The following YARS2 variants were observed in gnomAD, a reference collection of about 807,000 sequenced individuals.
The protein encoded by YARS2 is tyrosine--tRNA ligase, mitochondrial.
In YARS2, 38 loss-of-function variants were observed where a neutral mutation model predicts 45.0. The ratio of observed to expected loss-of-function variants is 0.84; its 90% CI spans 0.65 to 1.11. YARS2 has a LOEUF of 1.11. Among genes scored for constraint, YARS2 ranks in the 50% least tolerant of loss-of-function variants. The pLI is 0.00. For missense variants in YARS2, 602 were observed against 599.8 expected (o/e 1.00, Z -0.04); for synonymous variants, 287 against 245.1 (o/e 1.17, Z -1.60).
At chr12:32,749,726 G>A (rs1955702346) in intron 4 of YARS2, among the ~76,000 whole-genome samples, 1 of 151,744 alleles carries the variant, frequency 6.6e-6, no homozygotes, top group Non-Finnish European at 1.5e-5. Flanking sequence ...GACTACAGGC[G>A]CCTGCCACCA....
intron 1 of YARS2, among the ~76,000 whole-genome samples, 159 bp from the exon 2 acceptor site, chr12:32,754,244 T>A (rs896940579): frequency 6.6e-6 from 1 of 152,226 alleles, no homozygotes; most frequent in African/African-American, 2.4e-5. Flanking sequence ...TTACAGTACT[T>A]ACTCTATTCA....
At position 32,749,313 on chromosome 12, in the gene YARS2, C is replaced by T. The variant is rs1251431603; in HGVS notation, c.1274+624G>A. Among the ~76,000 whole-genome samples, 3 of 152,102 alleles carry T rather than the reference C, an allele frequency of 2.0e-5. No homozygotes were observed. The East Asian group carries it at 5.8e-4, about 29-fold the overall frequency. ...ATCCCTCTAAAACTGTGACCATATC[C>T]CTAAGCCGTACACTGATGCCAGTGT... On this transcript the variant is annotated intron_variant, in intron 4 of 4. Transcript: ENST00000324868.
At chr12:32,752,797 G>GTA (rs779901407) in intron 2 of YARS2, 2 of 338,044 alleles carry the variant, frequency 5.9e-6, no homozygotes, top group South Asian at 4.6e-5. Context: ...CAAAACCCCA[G>GTA]GACTATATCG....
At chr12:32,754,202 T>TA in intron 1 of YARS2, 117 bp from the exon 2 acceptor site, 1 of 1,124,918 alleles carries the variant, frequency 8.9e-7, no homozygotes, top group East Asian at 2.4e-5. Flanking sequence ...CTTGACCTCC[T>TA]AAATCTGAAT....
rs1565561416 is a variant in YARS2 at position 32,755,677 on chromosome 12, G to A, written c.198C>T (p.Asp66=). 4 of 1,614,132 alleles carry A rather than the reference G, an allele frequency of 2.5e-6. No individual in the cohort carries two copies. Among genetic ancestry groups the A allele is most frequent in the Non-Finnish European group, 3.4e-6 (4 of 1,180,056 alleles). Residue 66 remains aspartate (D), a synonymous_variant, in exon 1 of 5, where the codon GAC becomes GAT. Transcript: ENST00000324868. ...GTKIELPELF[D]RGTASFPQTI... is the part of the protein sequence containing the mutation. The stretch of plus-strand genomic sequence containing the variant: ...TTTGGGGAAAACTCGCCGTGCCACG[G>A]TCGAAGAGCTCTGGGAGCTCTATTT...
intron 4 of YARS2, among the ~76,000 whole-genome samples, chr12:32,748,459 T>C (rs1016960037): frequency 3.3e-5 from 5 of 151,724 alleles, no homozygotes; most frequent in Non-Finnish European, 7.4e-5. Context: ...TTAGCTTATA[T>C]AATATTAAAA....
chr12:32,751,071 C>CTT lies in YARS2; in HGVS notation c.948-199_948-198dup, dbSNP rs57698169. Among the ~76,000 whole-genome samples, 344 of 141,638 alleles carry CTT rather than the reference C, an allele frequency of 2.4e-3. 1 individual carries two copies. Among genetic ancestry groups the CTT allele is most frequent in the South Asian group, 0.019 (85 of 4,424 alleles). 92.9% of individuals were successfully genotyped at this position (141,638 alleles called of 152,430 possible). A position where few individuals can be genotyped will look rare whatever the true frequency, so the allele number is the denominator to read the frequency against. On this transcript the variant is annotated intron_variant, in intron 2 of 4. Transcript: ENST00000324868. ...ATTTTGGCATCTTTGTTTTCAATTT[C>CTT]TTTTTTTTTTTTTTGAGATGGGGGT...
chr12:32,754,028 T>TC lies in YARS2; in HGVS notation c.836dup (p.Ala280SerfsTer17). 1.9e-6 allele frequency: 3 copies of TC among 1,614,196 alleles called. No individual in the cohort carries two copies. Among genetic ancestry groups the TC allele is most frequent in the Non-Finnish European group, 2.5e-6 (3 of 1,180,022 alleles). On this transcript the variant is annotated frameshift_variant, in exon 2 of 5. Transcript: ENST00000324868. LOFTEE classifies it high-confidence loss of function. ...TGCCAGCAGACTTTCCCAGCTTTGC[T>TC]CCAGTTGTACTTGTAATTAGAGGAA...
rs1273905066 is a variant in YARS2, at chr12:32,749,591, T to A, written c.1274+346A>T. On this transcript the variant is annotated intron_variant, in intron 4 of 4. Transcript: ENST00000324868. ...ATGCTGTGAACTGTAACATTTTATTTATTTTTTGAGACAGAGTCTTGCTCT... is the reference window on the plus strand; with the variant it reads ...ATGCTGTGAACTGTAACATTTTATTAATTTTTTGAGACAGAGTCTTGCTCT... Among the ~76,000 whole-genome samples, 3 of 152,310 alleles carry A rather than the reference T, an allele frequency of 2.0e-5. No individual in the cohort carries two copies. In the East Asian group the frequency reaches 5.8e-4, roughly 29 times the overall value.
chr12:32,752,547 G>A (rs1955764906), intron 2 of YARS2, among the ~76,000 whole-genome samples: 1 of 151,970 alleles, frequency 6.6e-6, no homozygotes. Context: ...TTGAGGTCAG[G>A]AGTTCGAGAC....
chr12:32,750,090 T>C lies in YARS2; in HGVS notation c.1121A>G (p.Tyr374Cys). The C allele has an allele frequency of 1.9e-6, 3 of 1,614,138 alleles. No homozygotes were observed. Among genetic ancestry groups the C allele is most frequent in the Non-Finnish European group, 2.5e-6 (3 of 1,180,004 alleles). ...DSAKRCTQAL[Y>C]HSSIDALEVM... ...CTCCAGTGCATCTATGCTACTGTGA[T>C]AAAGGGCTTGTGTACACCTGAAAAA... Residue 374 changes from tyrosine to cysteine, a missense_variant, in exon 4 of 5, where the codon TAT (tyrosine) becomes TGT (cysteine). By Grantham distance (194) the Tyr-to-Cys change is radical. Transcript: ENST00000324868.
chr12:32,754,205 A>C, intron 1 of YARS2, 120 bp from the exon 2 acceptor site: 1 of 1,108,380 alleles, frequency 9.0e-7, no homozygotes, highest in Non-Finnish European at 1.4e-6. Context: ...GACCTCCTAA[A>C]TCTGAATTCT....
At position 32,755,139 on chromosome 12, in the gene YARS2, C is replaced by A; in HGVS notation, c.736G>T (p.Asp246Tyr). 1 of 1,614,198 alleles carries A rather than the reference C, an allele frequency of 6.2e-7. No individual in the cohort carries two copies. The highest frequency in any genetic ancestry group is 8.5e-7 in the Non-Finnish European group (1 of 1,180,038). ...YGCRVQLGGS[D>Y]QLGNIMSGYE... ...CCGGACATGATGTTGCCTAGTTGAT[C>A]AGATCCGCCCAGCTGGACCCTGCAT... The change falls in exon 1 of 5, where the codon GAT becomes TAT. Residue 246 changes from aspartate (D) to tyrosine (Y), a missense_variant. Asp to Tyr is a radical substitution (Grantham distance 160, BLOSUM62 -3). Transcript: ENST00000324868.
At chr12:32,754,150 C>A in intron 1 of YARS2, 65 bp from the exon 2 acceptor site, 1 of 1,594,184 alleles carries the variant, frequency 6.3e-7, no homozygotes, top group Non-Finnish European at 8.6e-7. Context: ...CTACTGTTCA[C>A]CTTCCAGATT....
chr12:32,754,930 ATTC>A (rs1224884512), intron 1 of YARS2, among the ~76,000 whole-genome samples, 163 bp downstream of exon 1: 1 of 152,010 alleles, frequency 6.6e-6, no homozygotes, highest in Non-Finnish European at 1.5e-5. Context: ...CAGCCCTTTA[ATTC>A]TTATTAGCCA....
chr12:32,750,227 A>C (rs1955714288), intron 3 of YARS2, 120 bp from the exon 4 acceptor site: 1 of 1,191,042 alleles, frequency 8.4e-7, no homozygotes, highest in African/African-American at 1.5e-5. Context: ...TTTGAGATGG[A>C]GTCTCGCTCT....
intron 4 of YARS2, among the ~76,000 whole-genome samples, chr12:32,748,238 C>T (rs1955678908): frequency 6.6e-6 from 1 of 151,862 alleles, no homozygotes; most frequent in South Asian, 2.1e-4. Context: ...GAACTCCTGG[C>T]CCCAAGCAAT....
rs755265658 is a variant in YARS2, at chr12:32,755,813, G to A, written c.62C>T (p.Ser21Leu). The A allele has an allele frequency of 4.3e-6, 7 of 1,613,698 alleles. No homozygotes were observed. Among genetic ancestry groups the A allele is most frequent in the Non-Finnish European group, 5.9e-6 (7 of 1,180,050 alleles). Reference protein sequence around the residue: ...WGRWSGTLNLSVLLPLGLRKA... With the variant: ...WGRWSGTLNLLVLLPLGLRKA... The stretch of plus-strand genomic sequence containing the variant: ...ACGCAGCCCCAAGGGCAACAATACT[G>A]AGAGATTTAGGGTACCAGACCACCG... The change falls in exon 1 of 5, where the codon TCA (serine) becomes TTA (leucine). Residue 21 changes from serine (S) to leucine (L), a missense_variant. Physicochemically the swap from Ser to Leu is moderately radical, Grantham distance 145 (BLOSUM62 -2). Transcript: ENST00000324868.
At chr12:32,747,917 G>C (rs922389775) in intron 4 of YARS2, among the ~76,000 whole-genome samples, 2 of 152,156 alleles carry the variant, frequency 1.3e-5, no homozygotes, top group African/African-American at 4.8e-5. Flanking sequence ...GTTGTTCTAG[G>C]AGCACACTGG....
Sources: gnomAD v4.1 joint callset for allele counts (sites outside exome capture counted in the v4.1 genomes callset) on GRCh38, gnomAD v4.1.1 for gene constraint, MANE v1.5 for transcripts, NCBI Gene and HGNC (gene_info 2026-07-23, HGNC 2026-07-21) for gene names.